DKK2: variants seen among roughly 807,000 people sequenced by gnomAD.
DKK2 encodes dickkopf Wnt signaling pathway inhibitor 2.
DKK2 carries 11 observed loss-of-function variants against 28.1 expected under a neutral mutation model. The observed-to-expected ratio is 0.39, with a 90% CI of 0.25 to 0.65. The LOEUF (loss-of-function observed/expected upper bound fraction) is 0.65. Among genes scored for constraint, DKK2 ranks in the 30% least tolerant of loss-of-function variants. The pLI, the probability that DKK2 is intolerant of heterozygous loss-of-function variation, is 0.47. For missense variants in DKK2, 326 were observed against 335.5 expected, an observed-to-expected ratio of 0.97 and a Z score of 0.22; for synonymous variants, 135 against 126.5, an observed-to-expected ratio of 1.07 and a Z score of -0.45.
At chr4:107,002,556 T>C (rs2110365679) in intron 1 of DKK2, among the ~76,000 whole-genome samples, 1 of 152,154 alleles carries the variant, frequency 6.6e-6, no homozygotes, top group South Asian at 2.1e-4. Context: ...CTTTGCTGTC[T>C]CAATGACTTT....
At chr4:107,006,283 AT>A (rs1250425531) in intron 1 of DKK2, among the ~76,000 whole-genome samples, 1 of 152,152 alleles carries the variant, frequency 6.6e-6, no homozygotes. Flanking sequence ...TTAATATATA[AT>A]TTTGGTAATG....
chr4:106,967,349 A>G (rs1021499679), intron 1 of DKK2, among the ~76,000 whole-genome samples: 10 of 152,278 alleles, frequency 6.6e-5, no homozygotes, highest in African/African-American at 2.4e-4. Context: ...AAAATGTGGT[A>G]CTCCAGCTAA....
At chr4:106,974,199 G>A (rs1217567707) in intron 1 of DKK2, among the ~76,000 whole-genome samples, 1 of 152,080 alleles carries the variant, frequency 6.6e-6, no homozygotes, top group Non-Finnish European at 1.5e-5. Flanking sequence ...TCTTCTTTTT[G>A]CTTAGGATTG....
chr4:107,014,896 C>T (rs926237259), intron 1 of DKK2, among the ~76,000 whole-genome samples: 25 of 151,314 alleles, frequency 1.7e-4, no homozygotes, highest in Non-Finnish European at 3.3e-4. Context: ...CATGTTTATT[C>T]CTAACTGTAG....
intron 1 of DKK2, among the ~76,000 whole-genome samples, chr4:107,033,056 T>C (rs890910699): frequency 6.6e-6 from 1 of 151,802 alleles, no homozygotes; most frequent in Non-Finnish European, 1.5e-5. Flanking sequence ...TTTTACTATT[T>C]GTTTCTTCAT....
chr4:107,003,421 G>C (rs912846149), intron 1 of DKK2, among the ~76,000 whole-genome samples: 1 of 152,164 alleles, frequency 6.6e-6, no homozygotes, highest in African/African-American at 2.4e-5. Flanking sequence ...TCTACTTCTT[G>C]GATGCTCTGG....
intron 1 of DKK2, among the ~76,000 whole-genome samples, chr4:107,035,035 A>G (rs1303086481): frequency 6.6e-6 from 1 of 152,210 alleles, no homozygotes; most frequent in Admixed American, 6.5e-5. Context: ...GTTAAATGCT[A>G]TTAACATCTT....
intron 1 of DKK2, among the ~76,000 whole-genome samples, chr4:107,019,186 TG>T (rs1348396707): frequency 1.3e-5 from 2 of 151,964 alleles, no homozygotes; most frequent in African/African-American, 4.8e-5. Context: ...AACTCCAACT[TG>T]GGAAAAAACC....
At chr4:106,926,167 C>T (rs866517285) in intron 1 of DKK2, among the ~76,000 whole-genome samples, 1 of 152,010 alleles carries the variant, frequency 6.6e-6, no homozygotes, top group Non-Finnish European at 1.5e-5. Flanking sequence ...ATAAAGCTGA[C>T]GCTGTTTGTA....
chr4:107,034,523 A>G (rs550326624), intron 1 of DKK2, among the ~76,000 whole-genome samples: 5 of 152,208 alleles, frequency 3.3e-5, no homozygotes, highest in Non-Finnish European at 7.4e-5. Context: ...AGTGGCTTTC[A>G]ATCTATCTGT....
At chr4:106,987,415 C>G (rs1304660305) in intron 1 of DKK2, among the ~76,000 whole-genome samples, 1 of 152,178 alleles carries the variant, frequency 6.6e-6, no homozygotes, top group Non-Finnish European at 1.5e-5. Context: ...ATTTCTCTTG[C>G]TTGTCTAACA....
At chr4:106,936,057 A>G (rs187414296) in intron 1 of DKK2, among the ~76,000 whole-genome samples, 8,605 of 150,836 alleles carry the variant, frequency 0.057, 282 homozygotes, top group Non-Finnish European at 0.068. Context: ...ATAGCAGAGC[A>G]CCTCTCCTCC....
At chr4:107,004,428 C>A (rs1723408034) in intron 1 of DKK2, among the ~76,000 whole-genome samples, 1 of 152,122 alleles carries the variant, frequency 6.6e-6, no homozygotes. Flanking sequence ...ATGACTTAGA[C>A]CAAAGCTCCA....
intron 1 of DKK2, among the ~76,000 whole-genome samples, chr4:106,953,475 G>C (rs1304608487): frequency 1.3e-5 from 2 of 152,130 alleles, no homozygotes; most frequent in African/African-American, 4.8e-5. Context: ...CAAAGATATG[G>C]GGTGGGGAGG....
chr4:106,986,248 G>C (rs1008219330), intron 1 of DKK2, among the ~76,000 whole-genome samples: 1 of 152,212 alleles, frequency 6.6e-6, no homozygotes, highest in African/African-American at 2.4e-5. Context: ...GGCATGTTAA[G>C]AAGCAAAGGG....
chr4:106,925,823 A>G lies in DKK2; in HGVS notation c.349T>C (p.Cys117Arg). The change falls in exon 2 of 4, where the codon TGC (cysteine) becomes CGC (arginine). Residue 117 changes from cysteine to arginine, a missense_variant. By Grantham distance (180) the Cys-to-Arg change is radical. Coordinates refer to ENST00000285311, the MANE Select transcript of DKK2 (RefSeq NM_014421.3). Reference protein sequence around the residue: ...KKRCHRDGMCCPSTRCNNGIC... With the variant: ...KKRCHRDGMCRPSTRCNNGIC... ...CCATTATTGCAGCGGGTACTGGGGC[A>G]GCACATGCCATCTCGGTGGCAGCGC... The G allele has an allele frequency of 6.2e-7, 1 of 1,612,388 alleles. No homozygotes were observed. Among genetic ancestry groups the G allele is most frequent in the Non-Finnish European group, 8.5e-7 (1 of 1,179,324 alleles).
At chr4:106,993,189 C>T (rs1044244056) in intron 1 of DKK2, among the ~76,000 whole-genome samples, 2 of 152,180 alleles carry the variant, frequency 1.3e-5, no homozygotes, top group African/African-American at 4.8e-5. Context: ...TCCCAATTTC[C>T]GCTGGTGACT....
At chr4:107,019,709 C>T (rs1249376035) in intron 1 of DKK2, among the ~76,000 whole-genome samples, 1 of 151,984 alleles carries the variant, frequency 6.6e-6, no homozygotes, top group Non-Finnish European at 1.5e-5. Flanking sequence ...TTTTGTTCAT[C>T]ATTGTGTTAA....
intron 1 of DKK2, among the ~76,000 whole-genome samples, chr4:106,977,794 G>A (rs573094416): frequency 7.9e-4 from 120 of 152,282 alleles, no homozygotes; most frequent in Non-Finnish European, 1.4e-3. Flanking sequence ...GAGGAATTGT[G>A]ATCCTTTGGA....
Sources: allele counts gnomAD v4.1 joint callset (sites outside exome capture counted in the v4.1 genomes callset), GRCh38; gene constraint gnomAD v4.1.1; transcripts MANE v1.5; gene names NCBI Gene and HGNC (gene_info 2026-07-23, HGNC 2026-07-21).